Variants in MB21D2 observed in about 807,000 individuals in gnomAD.
MB21D2 encodes the protein nucleotidyltransferase MB21D2.
A neutral mutation model predicts 33.3 loss-of-function variants in MB21D2; 9 were observed. That is an observed-to-expected ratio of 0.27 (90% confidence interval 0.16 to 0.47). The LOEUF is 0.47. Ranked by LOEUF, MB21D2 falls within the 20% of genes least tolerant of loss-of-function variation. The pLI, the probability that MB21D2 is intolerant of heterozygous loss-of-function variation, is 0.99. For synonymous variants in MB21D2, 241 were observed against 236.3 expected, an observed-to-expected ratio of 1.02 and a Z score of -0.18; for missense variants, 540 against 624.6, an observed-to-expected ratio of 0.86 and a Z score of 1.44.
At chr3:192,888,544 G>C (rs889848653) in intron 1 of MB21D2, among the ~76,000 whole-genome samples, 3 of 152,030 alleles carry the variant, frequency 2.0e-5, no homozygotes, top group African/African-American at 7.3e-5. Flanking sequence ...ATGGTTGTCA[G>C]GTTGACTTAA....
intron 1 of MB21D2, among the ~76,000 whole-genome samples, chr3:192,832,698 G>A (rs1332231221): frequency 6.6e-6 from 1 of 152,136 alleles, no homozygotes; most frequent in Admixed American, 6.5e-5. Flanking sequence ...GCTGGGGCAG[G>A]AGAATCACTT....
chr3:192,847,169 A>G (rs974150682), intron 1 of MB21D2, among the ~76,000 whole-genome samples: 10 of 152,198 alleles, frequency 6.6e-5, no homozygotes, highest in Admixed American at 3.3e-4. Flanking sequence ...TATTTGTCAA[A>G]CAAGATTCAG....
At chr3:192,901,794 CATCTGCCTTTCCCTGAAAAATAG>C (rs1275017375) in intron 1 of MB21D2, among the ~76,000 whole-genome samples, 6 of 152,192 alleles carry the variant, frequency 3.9e-5, no homozygotes, top group Admixed American at 1.3e-4. Flanking sequence ...ATACATTTGG[CATCTGCCTTTCCCTGAAAAATAG>C]ATCTGCTCCC....
chr3:192,862,748 G>A (rs1214465770), intron 1 of MB21D2, among the ~76,000 whole-genome samples: 1 of 152,204 alleles, frequency 6.6e-6, no homozygotes, highest in Non-Finnish European at 1.5e-5. Flanking sequence ...GATGGGAGAT[G>A]GCTGCTGCGG....
chr3:192,850,405 G>A (rs1052236269), intron 1 of MB21D2, among the ~76,000 whole-genome samples: 3 of 152,160 alleles, frequency 2.0e-5, no homozygotes, highest in Non-Finnish European at 4.4e-5. Context: ...GCCACTGCAC[G>A]GTCTCTGCAA....
At chr3:192,905,569 A>G (rs1192426140) in intron 1 of MB21D2, among the ~76,000 whole-genome samples, 3 of 149,810 alleles carry the variant, frequency 2.0e-5, no homozygotes, top group Non-Finnish European at 4.4e-5. Context: ...CCCGGGAGGC[A>G]GAGGTTCAAG....
chr3:192,849,744 T>G (rs1455819660), intron 1 of MB21D2, among the ~76,000 whole-genome samples: 2 of 152,212 alleles, frequency 1.3e-5, no homozygotes, highest in African/African-American at 4.8e-5. Context: ...GTCTATTGCT[T>G]ATTATTCTGT....
chr3:192,848,587 G>C (rs984458070), intron 1 of MB21D2, among the ~76,000 whole-genome samples: 4 of 152,080 alleles, frequency 2.6e-5, no homozygotes, highest in Non-Finnish European at 5.9e-5. Flanking sequence ...CCACTATTTC[G>C]CAGACTAACA....
chr3:192,916,067 C>T, intron 1 of MB21D2, among the ~76,000 whole-genome samples: 1 of 149,134 alleles, frequency 6.7e-6, no homozygotes, highest in Admixed American at 6.7e-5. Context: ...GCATTTTAGG[C>T]TTCCCTGTGG....
intron 1 of MB21D2, among the ~76,000 whole-genome samples, chr3:192,889,223 T>G (rs1183952508): frequency 6.6e-6 from 1 of 152,062 alleles, no homozygotes; most frequent in Non-Finnish European, 1.5e-5. Context: ...AGTTCTCTAT[T>G]AAGATGGTTT....
intron 1 of MB21D2, among the ~76,000 whole-genome samples, chr3:192,909,792 C>G (rs1158082762): frequency 6.6e-6 from 1 of 151,666 alleles, no homozygotes; most frequent in Non-Finnish European, 1.5e-5. Flanking sequence ...ATTAGCTAGG[C>G]ATGGTGGCAC....
intron 1 of MB21D2, among the ~76,000 whole-genome samples, chr3:192,857,268 A>G (rs1316293768): frequency 6.6e-6 from 1 of 152,212 alleles, no homozygotes; most frequent in African/African-American, 2.4e-5. Context: ...GAGAAGAGAT[A>G]TTCTGAAATG....
intron 1 of MB21D2, among the ~76,000 whole-genome samples, chr3:192,829,814 C>A (rs1180549146): frequency 6.6e-6 from 1 of 152,222 alleles, no homozygotes; most frequent in African/African-American, 2.4e-5. Flanking sequence ...GCAGCTTCAA[C>A]CTCCCAGGCT....
intron 1 of MB21D2, among the ~76,000 whole-genome samples, chr3:192,915,497 C>G (rs575883553): frequency 6.6e-6 from 1 of 152,270 alleles, no homozygotes; most frequent in African/African-American, 2.4e-5. Context: ...CGCCATCTGC[C>G]TTCTAGTGTC....
At position 192,910,293 on chromosome 3, in the gene MB21D2, C is replaced by T. The variant is rs527449925; in HGVS notation, c.211+7337G>A. ...CCAGCCTGGGCAACAAGACCACCAT[C>T]TCTACAAAAAAAAAAAAAAAAAAAA... On this transcript the variant is annotated intron_variant, in intron 1 of 1. Transcript: ENST00000392452. 2.3e-5 allele frequency among the ~76,000 whole-genome samples: 3 copies of T among 129,622 alleles called. No homozygotes were observed. In the South Asian group the frequency reaches 7.8e-4, roughly 34 times the overall value. The allele number at this position is 129,622 out of a possible 152,430, so 85.0% of individuals were successfully genotyped here.
chr3:192,900,977 G>T (rs140182002), intron 1 of MB21D2, among the ~76,000 whole-genome samples: 1 of 151,166 alleles, frequency 6.6e-6, no homozygotes, highest in Admixed American at 6.6e-5. Flanking sequence ...AGGTCTCCAA[G>T]GCCTCTGTTG....
At chr3:192,813,921 C>A (rs1326390735) in intron 1 of MB21D2, among the ~76,000 whole-genome samples, 1 of 152,132 alleles carries the variant, frequency 6.6e-6, no homozygotes, top group South Asian at 2.1e-4. Flanking sequence ...CCTATGCCAG[C>A]AAAATAAACA....
intron 1 of MB21D2, among the ~76,000 whole-genome samples, chr3:192,846,506 A>G (rs113376989): frequency 4.9e-4 from 75 of 152,252 alleles, no homozygotes; most frequent in African/African-American, 1.7e-3. Context: ...ATGTGTTCAC[A>G]TGTACATAAA....
chr3:192,808,979 G>T (rs1050259844), intron 1 of MB21D2, among the ~76,000 whole-genome samples: 1 of 152,010 alleles, frequency 6.6e-6, no homozygotes, highest in Non-Finnish European at 1.5e-5. Flanking sequence ...TCATGACAAG[G>T]ACTCTCTGAG....
Sources: allele counts gnomAD v4.1 joint callset (sites outside exome capture counted in the v4.1 genomes callset), GRCh38; gene constraint gnomAD v4.1.1; transcripts MANE v1.5; gene names NCBI Gene and HGNC (gene_info 2026-07-23, HGNC 2026-07-21).